The following C12orf42 variants were observed in gnomAD, a reference collection of about 807,000 sequenced individuals.
C12orf42 encodes chromosome 12 open reading frame 42.
A neutral mutation model predicts 21.6 loss-of-function variants in C12orf42; 25 were observed. The ratio of observed to expected loss-of-function variants is 1.16; its 90% CI spans 0.84 to 1.62. The LOEUF (loss-of-function observed/expected upper bound fraction) is 1.62, where lower values mean the gene tolerates loss of function less well. Ranked by LOEUF, C12orf42 falls within the 40% of genes most tolerant of loss-of-function variation. The pLI, the probability that C12orf42 is intolerant of heterozygous loss-of-function variation, is 0.00. For missense variants in C12orf42, 483 were observed against 459.3 expected (o/e 1.05, Z -0.47); for synonymous variants, 174 against 175.0 (o/e 0.99, Z 0.05).
At chr12:103,544,937 C>G in the C12orf42 span, among the ~76,000 whole-genome samples, 1 of 152,174 alleles carries the variant, frequency 6.6e-6, no homozygotes. Flanking sequence ...GTTCCCAGCA[C>G]TATCTCAGGT....
chr12:103,412,365 T>A (rs932112562), intron 2 of C12orf42, among the ~76,000 whole-genome samples: 15 of 152,156 alleles, frequency 9.9e-5, no homozygotes, highest in African/African-American at 3.1e-4. Flanking sequence ...TCAGGTAAAC[T>A]GGAATAAAAT....
the C12orf42 span, among the ~76,000 whole-genome samples, chr12:103,191,734 C>A: frequency 2.1e-5 from 2 of 97,074 alleles, no homozygotes. Flanking sequence ...CAGAGTGGGA[C>A]TCTGTGTCTA....
At chr12:103,302,967 A>G (rs992980009) in intron 5 of C12orf42, among the ~76,000 whole-genome samples, 3 of 152,166 alleles carry the variant, frequency 2.0e-5, no homozygotes, top group Admixed American at 1.3e-4. Context: ...TTATTAATGG[A>G]TATGTAAAAG....
At chr12:103,149,937 T>G in the C12orf42 span, among the ~76,000 whole-genome samples, 1 of 152,224 alleles carries the variant, frequency 6.6e-6, no homozygotes, top group Non-Finnish European at 1.5e-5. Context: ...AGTCTGGGAA[T>G]GTTATAACTC....
At chr12:103,339,941 T>G (rs1000658365) in intron 4 of C12orf42, among the ~76,000 whole-genome samples, 2 of 152,238 alleles carry the variant, frequency 1.3e-5, no homozygotes, top group Non-Finnish European at 2.9e-5. Context: ...AATAAAAGAC[T>G]TCTTAACAGC....
the C12orf42 span, among the ~76,000 whole-genome samples, chr12:103,142,106 C>T: frequency 9.2e-5 from 14 of 152,240 alleles, no homozygotes; most frequent in African/African-American, 3.1e-4. Context: ...AGATATGTAA[C>T]TCAATGAAAG....
intron 2 of C12orf42, among the ~76,000 whole-genome samples, chr12:103,438,697 C>A (rs1296682163): frequency 1.3e-5 from 2 of 152,116 alleles, no homozygotes; most frequent in Admixed American, 6.5e-5. Flanking sequence ...ATCCAACTTA[C>A]AAGGGATGTG....
At chr12:103,251,227 T>G (rs1258791088) in intron 10 of C12orf42, among the ~76,000 whole-genome samples, 1 of 152,092 alleles carries the variant, frequency 6.6e-6, no homozygotes, top group African/African-American at 2.4e-5. Flanking sequence ...GCAACCAACT[T>G]CTACACCATC....
At chr12:103,181,697 A>G in the C12orf42 span, among the ~76,000 whole-genome samples, 1 of 152,142 alleles carries the variant, frequency 6.6e-6, no homozygotes. Flanking sequence ...AACAAATTCT[A>G]CTCTGTAGCA....
chr12:103,169,080 A>G, the C12orf42 span, among the ~76,000 whole-genome samples: 1 of 152,066 alleles, frequency 6.6e-6, no homozygotes, highest in Non-Finnish European at 1.5e-5. Flanking sequence ...TGATTGGTGC[A>G]GCAAACCACC....
At chr12:103,550,067 A>T in the C12orf42 span, among the ~76,000 whole-genome samples, 9 of 152,066 alleles carry the variant, frequency 5.9e-5, no homozygotes, top group African/African-American at 2.2e-4. Flanking sequence ...TACTCCTTTT[A>T]TTACATATAA....
chr12:103,286,755 A>G lies in C12orf42; in HGVS notation n.338-9545T>C, dbSNP rs543044672. On this transcript the variant is annotated intron_variant and non_coding_transcript_variant, in intron 4 of 6. Coordinates refer to the C12orf42 transcript ENST00000546526. ...AATGGATCATAGAATATGGAAGCAA[A>G]TTGGAATAAGTTGATATATCCTAGG... Among the ~76,000 whole-genome samples the G allele has an allele frequency of 2.0e-5, 3 of 152,298 alleles. No individual in the cohort carries two copies. In the South Asian group the frequency reaches 6.2e-4, roughly 32 times the overall value.
At chr12:103,290,302 TCTCC>T (rs1238199751) in intron 4 of C12orf42, among the ~76,000 whole-genome samples, 1 of 152,148 alleles carries the variant, frequency 6.6e-6, no homozygotes, top group African/African-American at 2.4e-5. Context: ...GCTTACTTTG[TCTCC>T]TTCCTCTAGC....
At chr12:103,376,491 T>A (rs2045709000) in intron 3 of C12orf42, among the ~76,000 whole-genome samples, 1 of 152,080 alleles carries the variant, frequency 6.6e-6, no homozygotes, top group Non-Finnish European at 1.5e-5. Context: ...GGTTGACAGG[T>A]GCAGCAAACC....
chr12:103,085,800 C>T, the C12orf42 span, among the ~76,000 whole-genome samples: 1 of 152,158 alleles, frequency 6.6e-6, no homozygotes, highest in Non-Finnish European at 1.5e-5. Context: ...ACTTTAGCAT[C>T]CCATTTGTAA....
chr12:103,079,084 C>T, the C12orf42 span, among the ~76,000 whole-genome samples: 4 of 152,158 alleles, frequency 2.6e-5, no homozygotes, highest in South Asian at 8.3e-4. Flanking sequence ...CCATCAGATA[C>T]CCAAGCTCTT....
intron 4 of C12orf42, 61 bp from the exon 5 acceptor site, chr12:103,306,406 C>T: frequency 1.3e-6 from 2 of 1,498,512 alleles, no homozygotes; most frequent in South Asian, 2.8e-5. Context: ...AAATTAATGG[C>T]AGGAAGGATG....
chr12:103,215,087 G>A, the C12orf42 span, among the ~76,000 whole-genome samples: 1 of 152,246 alleles, frequency 6.6e-6, no homozygotes, highest in African/African-American at 2.4e-5. Flanking sequence ...TTGCATGGAA[G>A]AGAAAGTACT....
chr12:103,177,180 C>T, the C12orf42 span, among the ~76,000 whole-genome samples: 1 of 152,190 alleles, frequency 6.6e-6, no homozygotes, highest in Non-Finnish European at 1.5e-5. Flanking sequence ...AGAATGATGA[C>T]TCCCAAGAGG....
Sources: gnomAD v4.1 joint callset for allele counts (sites outside exome capture counted in the v4.1 genomes callset) on GRCh38, gnomAD v4.1.1 for gene constraint, MANE v1.5 for transcripts, NCBI Gene and HGNC (gene_info 2026-07-23, HGNC 2026-07-21) for gene names.